Variants in DEPDC7 observed in about 807,000 individuals in gnomAD.
DEPDC7 encodes DEP domain containing 7.
Under a neutral mutation model 56.6 loss-of-function variants are expected in DEPDC7, and 41 were observed. The ratio of observed to expected loss-of-function variants is 0.72; its 90% CI spans 0.56 to 0.94. The LOEUF (loss-of-function observed/expected upper bound fraction) is 0.94, where lower values mean the gene tolerates loss of function less well. Ranked by LOEUF, DEPDC7 falls within the 40% of genes least tolerant of loss-of-function variation. DEPDC7 has a pLI of 0.00. For missense variants in DEPDC7, 522 were observed against 596.3 expected (o/e 0.88, Z 1.30); for synonymous variants, 185 against 208.8 (o/e 0.89, Z 0.98).
chr11:33,031,535 G>A lies in DEPDC7; in HGVS notation c.940G>A (p.Glu314Lys), dbSNP rs377186754. Residue 314 changes from glutamate to lysine, a missense_variant, in exon 5 of 9, where the codon GAA (glutamate) becomes AAA (lysine). Coordinates refer to ENST00000241051, the MANE Select transcript of DEPDC7 (RefSeq NM_001077242.2). ...DAIGRYYSSREPLLNHLSDVH... is the reference protein window; with the variant it reads ...DAIGRYYSSRKPLLNHLSDVH... Reference sequence around the variant, plus strand: ...CATTGGCAGATATTACAGTAGTAGGGAACCTCTGTTAAATCACTTATCTGA... The same window carrying A: ...CATTGGCAGATATTACAGTAGTAGGAAACCTCTGTTAAATCACTTATCTGA... 3.7e-6 allele frequency: 6 copies of A among 1,614,004 alleles called. No individual in the cohort carries two copies. Among genetic ancestry groups the A allele is most frequent in the Admixed American group, 1.7e-5 (1 of 60,002 alleles).
In DEPDC7 at chr11:33,016,034, T is replaced by A. The variant is rs373142882; in HGVS notation, c.73+6T>A. 3.6e-4 allele frequency: 535 copies of A among 1,495,456 alleles called. No homozygotes were observed. The highest frequency in any genetic ancestry group is 4.6e-4 in the Non-Finnish European group (519 of 1,119,234). The allele number at this position is 1,495,456 out of a possible 1,614,324, so 92.6% of individuals were successfully genotyped here. ...CCCCGCGCACAGGCCTCCGGGTAGG[T>A]GCCGAGGACTGCCGCCTGGGATGGC... On this transcript the variant is annotated splice_donor_region_variant and intron_variant, in intron 1 of 8. Coordinates refer to ENST00000241051, the MANE Select transcript of DEPDC7 (RefSeq NM_001077242.2).
At chr11:33,031,221 T>G (rs1218716963) in intron 4 of DEPDC7, among the ~76,000 whole-genome samples, 157 bp from the exon 5 acceptor site, 1 of 152,238 alleles carries the variant, frequency 6.6e-6, no homozygotes, top group African/African-American at 2.4e-5. Context: ...TAGCTATATA[T>G]TAAAAAGAAC....
At position 33,015,947 on chromosome 11, in the gene DEPDC7, G is replaced by C. The variant is rs748741823; in HGVS notation, c.-9G>C. ...TGCTGGAGGAGTTGGCGTCCGGGGAGCAAGGGCCATGGCCACCGTGCAGGA... is the reference window on the plus strand; with the variant it reads ...TGCTGGAGGAGTTGGCGTCCGGGGACCAAGGGCCATGGCCACCGTGCAGGA... On this transcript the variant is annotated 5_prime_UTR_variant, in exon 1 of 9. Transcript: ENST00000241051. 1.3e-6 allele frequency: 2 copies of C among 1,572,184 alleles called. No homozygotes were observed. The highest frequency in any genetic ancestry group is 2.7e-5 in the African/African-American group (2 of 73,142).
chr11:33,016,061 C>A (rs1465037358), intron 1 of DEPDC7, 33 bp downstream of exon 1: 3 of 1,451,064 alleles, frequency 2.1e-6, no homozygotes, highest in Non-Finnish European at 2.7e-6. Flanking sequence ...TGGGATGGCG[C>A]GGGGCGGGCT....
chr11:33,022,794 T>C (rs905468182), intron 1 of DEPDC7, among the ~76,000 whole-genome samples: 27 of 152,200 alleles, frequency 1.8e-4, no homozygotes, highest in African/African-American at 5.3e-4. Flanking sequence ...GACTAAATAC[T>C]GTACCAAGAG....
At chr11:33,016,096 G>T in intron 1 of DEPDC7, 68 bp downstream of exon 1, 2 of 1,285,804 alleles carry the variant, frequency 1.6e-6, no homozygotes, top group East Asian at 6.5e-5. Flanking sequence ...GGGTCCCGGC[G>T]CGGGGCGGGC....
chr11:33,028,456 TTGTTA>T (rs1853600235), intron 3 of DEPDC7, 142 bp from the exon 4 acceptor site: 6 of 580,256 alleles, frequency 1.0e-5, no homozygotes, highest in Non-Finnish European at 1.8e-5. Flanking sequence ...TTGTTTTACT[TTGTTA>T]TAAGAAAGCA....
At chr11:33,020,397 G>A (rs1564963211) in intron 1 of DEPDC7, among the ~76,000 whole-genome samples, 1 of 152,154 alleles carries the variant, frequency 6.6e-6, no homozygotes, top group Non-Finnish European at 1.5e-5. Context: ...AAGCAAATAA[G>A]GATGAGACTG....
chr11:33,027,333 T>C (rs562234302), intron 2 of DEPDC7, among the ~76,000 whole-genome samples: 24 of 152,320 alleles, frequency 1.6e-4, no homozygotes, highest in Admixed American at 4.6e-4. Context: ...GCTGTAGATC[T>C]GTATTTAGAA....
At position 33,025,803 on chromosome 11, in the gene DEPDC7, A is replaced by G. The variant is rs767956674; in HGVS notation, c.218A>G (p.Asp73Gly). The change falls in exon 2 of 9, where the codon GAT becomes GGT. Residue 73 changes from aspartate to glycine, a missense_variant. Transcript: ENST00000241051. ...NDCFVGSEAV[D>G]VIFSHLIQNK... ...TGCTTTGTTGGTTCAGAAGCTGTGG[A>G]TGTCATTTTTTCTCACCTAATTCAG... The G allele has an allele frequency of 6.2e-7, 1 of 1,614,170 alleles. No homozygotes were observed. Among genetic ancestry groups the G allele is most frequent in the South Asian group, 1.1e-5 (1 of 91,086 alleles).
At chr11:33,016,353 A>G (rs1853461234) in intron 1 of DEPDC7, 2 of 1,416,332 alleles carry the variant, frequency 1.4e-6, no homozygotes, top group African/African-American at 1.4e-5. Context: ...GCTCCGGGAT[A>G]TGCTCCGCGG....
At chr11:33,016,184 C>A (rs1853457703) in intron 1 of DEPDC7, 156 bp downstream of exon 1, 2 of 1,262,764 alleles carry the variant, frequency 1.6e-6, no homozygotes, top group South Asian at 6.4e-5. Context: ...ACTTGGCCAA[C>A]GCCCCCGCCG....
chr11:33,018,481 AT>A (rs1330409058), intron 1 of DEPDC7, among the ~76,000 whole-genome samples: 2 of 152,158 alleles, frequency 1.3e-5, no homozygotes, highest in Admixed American at 1.3e-4. Context: ...ATCCTCTGGT[AT>A]GTGTCACATC....
intron 1 of DEPDC7, 92 bp downstream of exon 1, chr11:33,016,120 C>G: frequency 8.0e-7 from 1 of 1,245,494 alleles, no homozygotes; most frequent in South Asian, 3.5e-5. Context: ...GTGGGGCGTT[C>G]GGCCGCCTGC....
chr11:33,027,187 C>T (rs1853587868), intron 2 of DEPDC7, among the ~76,000 whole-genome samples: 1 of 152,128 alleles, frequency 6.6e-6, no homozygotes, highest in Non-Finnish European at 1.5e-5. Context: ...AATGATATTT[C>T]CGTGGTAAAC....
intron 1 of DEPDC7, among the ~76,000 whole-genome samples, chr11:33,018,798 G>A (rs72901279): frequency 0.029 from 4,353 of 152,044 alleles, 73 homozygotes; most frequent in African/African-American, 0.042. Flanking sequence ...TCTCTTCCAG[G>A]ATCCCATCCA....
chr11:33,021,756 T>A (rs1853526588), intron 1 of DEPDC7, among the ~76,000 whole-genome samples: 1 of 152,194 alleles, frequency 6.6e-6, no homozygotes, highest in East Asian at 1.9e-4. Flanking sequence ...CTGCATTGTA[T>A]CATGCCTGGA....
intron 1 of DEPDC7, among the ~76,000 whole-genome samples, chr11:33,020,672 C>CT (rs1853514570): frequency 6.6e-6 from 1 of 152,226 alleles, no homozygotes; most frequent in Admixed American, 6.5e-5. Flanking sequence ...GGATCTCACT[C>CT]TGTCACCCAG....
At position 33,019,672 on chromosome 11, in the gene DEPDC7, G is replaced by C. The variant is rs115591211; in HGVS notation, c.73+3644G>C. 2.4e-4 allele frequency among the ~76,000 whole-genome samples: 36 copies of C among 151,210 alleles called. 1 individual carries two copies. The highest frequency in any genetic ancestry group is 2.2e-3 in the Admixed American group (34 of 15,190). Reference sequence around the variant, plus strand: ...CAAAGTGAGACTCTGTCTCAAAAAAGAAAAAAAAGTAAGTTTTTTAGTAGT... The same window carrying C: ...CAAAGTGAGACTCTGTCTCAAAAAACAAAAAAAAGTAAGTTTTTTAGTAGT... On this transcript the variant is annotated intron_variant, in intron 1 of 8. Coordinates refer to ENST00000241051, the MANE Select transcript of DEPDC7 (RefSeq NM_001077242.2).
Sources: gnomAD v4.1 joint callset for allele counts (sites outside exome capture counted in the v4.1 genomes callset) on GRCh38, gnomAD v4.1.1 for gene constraint, MANE v1.5 for transcripts, NCBI Gene and HGNC (gene_info 2026-07-23, HGNC 2026-07-21) for gene names.